Variants in BRD2 observed in about 807,000 individuals in gnomAD.
BRD2 encodes bromodomain-containing protein 2.
A neutral mutation model predicts 79.1 loss-of-function variants in BRD2; 15 were observed. The ratio of observed to expected loss-of-function variants is 0.19; its 90% CI spans 0.13 to 0.29. The LOEUF (loss-of-function observed/expected upper bound fraction) is 0.29, where lower values mean the gene tolerates loss of function less well. Ranked by LOEUF, BRD2 falls within the 10% of genes least tolerant of loss-of-function variation. BRD2 has a pLI of 1.00. For missense variants in BRD2, 1,053 were observed against 991.3 expected (o/e 1.06, Z -0.84); for synonymous variants, 488 against 358.6 (o/e 1.36, Z -4.08).
At chr6:32,979,720 CA>C in intron 10 of BRD2, 107 bp from the exon 11 acceptor site, 1 of 1,328,418 alleles carries the variant, frequency 7.5e-7, no homozygotes. Flanking sequence ...AATGGAAAAA[CA>C]GAAGCTCCAC....
chr6:32,978,420 G>A, intron 10 of BRD2, 32 bp downstream of exon 10: 1 of 1,597,736 alleles, frequency 6.3e-7, no homozygotes, highest in Non-Finnish European at 8.5e-7. Flanking sequence ...AGACTAGTTT[G>A]GCTATTTCTG....
intron 10 of BRD2, 42 bp downstream of exon 10, chr6:32,978,430 G>A (rs1055527731): frequency 4.4e-6 from 7 of 1,593,014 alleles, no homozygotes; most frequent in Non-Finnish European, 5.1e-6. Flanking sequence ...GGCTATTTCT[G>A]TCTCTCTGGG....
intron 7 of BRD2, 164 bp from the exon 8 acceptor site, chr6:32,977,278 C>G: frequency 1.3e-6 from 2 of 1,574,794 alleles, no homozygotes; most frequent in Non-Finnish European, 1.7e-6. Context: ...ATTTCTTCAA[C>G]CCACCCAAAT....
Position 32,968,902 on chromosome 6 carries a change from C to G in BRD2, c.-1459C>G, listed in dbSNP as rs370095948. The G allele has an allele frequency of 6.5e-6, 1 of 154,232 alleles. No homozygotes were observed. The highest frequency in any genetic ancestry group is 1.4e-5 in the Non-Finnish European group (1 of 69,148). The allele number at this position is 154,232 out of a possible 1,614,324, so 9.6% of individuals were successfully genotyped here. ...CCGCGCGGCCCCGATGCTCTCCCCA[C>G]CCCCCCAGCCCGTTCGGGAAGGGAG... On this transcript the variant is annotated 5_prime_UTR_variant, in exon 1 of 13. Transcript: ENST00000374825.
At position 32,978,638 on chromosome 6, in the gene BRD2, T is replaced by C. The variant is rs902414487; in HGVS notation, c.1841+250T>C. The C allele has an allele frequency of 1.3e-5, 8 of 610,138 alleles. No individual in the cohort carries two copies. The Admixed American group carries it at 1.9e-4, about 14-fold the overall frequency. The allele number at this position is 610,138 out of a possible 1,614,324, so 37.8% of individuals were successfully genotyped here. On this transcript the variant is annotated intron_variant, in intron 10 of 12. Coordinates refer to ENST00000374825, the MANE Select transcript of BRD2 (RefSeq NM_005104.4). ...AGATCATTGGGCCATTGGATTCCCA[T>C]AAGGAGCATGCAGCCTGGATATGTA...
intron 1 of BRD2, chr6:32,971,232 G>A (rs199863133): frequency 1.0e-5 from 2 of 196,322 alleles, no homozygotes; most frequent in South Asian, 3.5e-4. Context: ...GTAGATGGAT[G>A]CGTTTGGAGA....
At chr6:32,971,307 A>C in intron 1 of BRD2, 1 of 320,680 alleles carries the variant, frequency 3.1e-6, no homozygotes, top group Non-Finnish European at 5.7e-6. Flanking sequence ...TGGTAACTGT[A>C]GGTGTGAGTG....
chr6:32,978,730 CA>C (rs1779106794), intron 10 of BRD2: 1 of 339,926 alleles, frequency 2.9e-6, no homozygotes, highest in African/African-American at 2.1e-5. Context: ...ATGTGACAGG[CA>C]GTGATGCCCA....
chr6:32,976,564 A>G lies in BRD2; in HGVS notation c.828A>G (p.Lys276=). 6.3e-7 allele frequency: 1 copy of G among 1,592,406 alleles called. No homozygotes were observed. Among genetic ancestry groups the G allele is most frequent in the Non-Finnish European group, 8.5e-7 (1 of 1,170,460 alleles). ...CCCTATCTTGTTTCTTTCTGCAGAA[A>G]AAAGGCGTAAAGCGGAAAGCAGATA... ...AAPPAQPLAK[K]KGVKRKADTT... The change falls in exon 7 of 13, where the codon AAA becomes AAG. Residue 276 remains lysine (K), a splice_region_variant and synonymous_variant. Coordinates refer to ENST00000374825, the MANE Select transcript of BRD2 (RefSeq NM_005104.4).
At position 32,973,296 on chromosome 6, in the gene BRD2, C is replaced by T. The variant is rs552815158; in HGVS notation, c.29+369C>T. Reference sequence around the variant, plus strand: ...CCTTTTAGGGGGGATTCACGGACACCTCTAGCGCCCTGTAGGGTTGCCATG... The same window carrying T: ...CCTTTTAGGGGGGATTCACGGACACTTCTAGCGCCCTGTAGGGTTGCCATG... On this transcript the variant is annotated intron_variant, in intron 2 of 12. Transcript: ENST00000374825. Among the ~76,000 whole-genome samples, 6 of 152,152 alleles carry T rather than the reference C, an allele frequency of 3.9e-5. No homozygotes were observed. The South Asian group carries it at 1.2e-3, about 32-fold the overall frequency.
At chr6:32,969,269 C>T in intron 1 of BRD2, 1 of 698,402 alleles carries the variant, frequency 1.4e-6, no homozygotes, top group East Asian at 2.7e-5. Context: ...TGCCTCCGTA[C>T]CCATTGGAGG....
intron 1 of BRD2, among the ~76,000 whole-genome samples, chr6:32,969,550 C>T (rs1055717931): frequency 6.6e-6 from 1 of 152,158 alleles, no homozygotes; most frequent in African/African-American, 2.4e-5. Context: ...CCTTTGTGTC[C>T]GCGGTAGGGG....
chr6:32,968,821 TG>T lies in BRD2; in HGVS notation c.-1533del, dbSNP rs1168704614. 885 of 58,460 alleles carry T rather than the reference TG, an allele frequency of 0.015. 5 individuals carry two copies. Among genetic ancestry groups the T allele is most frequent in the Middle Eastern group, 0.094 (13 of 138 alleles). The allele number at this position is 58,460 out of a possible 1,614,324, so 3.6% of individuals were successfully genotyped here. On this transcript the variant is annotated 5_prime_UTR_variant, in exon 1 of 13. An upstream open reading frame in the 5' UTR gains an earlier in-frame stop. Coordinates refer to ENST00000374825, the MANE Select transcript of BRD2 (RefSeq NM_005104.4). ...TCGTGGCTGGGGGAAAGGCGGGGGGTGGGGGGGAAGCGGGCACGTGACCCCG... is the reference window on the plus strand; with the variant it reads ...TCGTGGCTGGGGGAAAGGCGGGGGGTGGGGGGAAGCGGGCACGTGACCCCG...
In BRD2 at chr6:32,979,831, C is replaced by T. The variant is rs1779296785; in HGVS notation, c.1845C>T (p.Leu615=). 1 of 1,610,848 alleles carries T rather than the reference C, an allele frequency of 6.2e-7. No individual in the cohort carries two copies. Among genetic ancestry groups the T allele is most frequent in the Non-Finnish European group, 8.5e-7 (1 of 1,178,830 alleles). ...TGACAACTCTTTTTGCCCTTAGGCT[C>T]CCCAAAAAGGCCACAAAGACAGCCC... ...FGPSGGSGTK[L]PKKATKTAPP... is the part of the protein sequence containing the mutation. The change falls in exon 11 of 13, where the codon CTC becomes CTT. Residue 615 remains leucine (L), a synonymous_variant. Coordinates refer to ENST00000374825, the MANE Select transcript of BRD2 (RefSeq NM_005104.4).
Position 32,977,918 on chromosome 6 carries a change from AGATGAGGAGGAC to A in BRD2, c.1494_1505del (p.Asp498_Asp501del). On this transcript the variant is annotated inframe_deletion, in exon 9 of 13. Transcript: ENST00000374825. Reference sequence around the variant, plus strand: ...GCTCCTCTGAGGAAGAGGAGGAGGAAGATGAGGAGGACGAGGAGGAAGAAGAGAGTGAAAGCT... The same window carrying A: ...GCTCCTCTGAGGAAGAGGAGGAGGAAGAGGAGGAAGAAGAGAGTGAAAGCT... 3.7e-6 allele frequency: 6 copies of A among 1,612,560 alleles called. No homozygotes were observed. The highest frequency in any genetic ancestry group is 5.1e-6 in the Non-Finnish European group (6 of 1,179,700).
At chr6:32,974,036 C>T (rs767203605) in intron 2 of BRD2, among the ~76,000 whole-genome samples, 31 of 152,026 alleles carry the variant, frequency 2.0e-4, no homozygotes, top group Non-Finnish European at 3.2e-4. Context: ...TTGTTCTTTT[C>T]CTCCTTACCG....
Position 32,980,996 on chromosome 6 carries a change from C to G in BRD2, c.*278C>G. On this transcript the variant is annotated 3_prime_UTR_variant, in exon 13 of 13. Coordinates refer to ENST00000374825, the MANE Select transcript of BRD2 (RefSeq NM_005104.4). ...GGGGCAGGGCAAGGGTGGGAGTGTG[C>G]AAAGCCCTGATCTGGAGTTACCTGA... 2.1e-6 allele frequency: 1 copy of G among 465,266 alleles called. No individual in the cohort carries two copies. The highest frequency in any genetic ancestry group is 3.9e-6 in the Non-Finnish European group (1 of 253,166). The allele number at this position is 465,266 out of a possible 1,614,324, so 28.8% of individuals were successfully genotyped here.
rs113170713 is a variant in BRD2 at position 32,975,526 on chromosome 6, GTT to G, written c.471+9_471+10del. 62,238 of 1,611,206 alleles carry G rather than the reference GTT, an allele frequency of 0.039. 2,276 individuals are homozygous for G. Among genetic ancestry groups the G allele is most frequent in the East Asian group, 0.19 (8,635 of 44,822 alleles). On this transcript the variant is annotated splice_donor_region_variant and intron_variant, in intron 4 of 12. Coordinates refer to ENST00000374825, the MANE Select transcript of BRD2 (RefSeq NM_005104.4). ...AACTGTTACATTTACAACAAGGTGA[GTT>G]TTTCTGTGTGTTCATTTAGTAGGTG...
chr6:32,972,437 C>T lies in BRD2; in HGVS notation c.-462C>T, dbSNP rs1025481386. ...GAGTCTGTCCACCCCCTCTACTCCG[C>T]CCTCAAGAGGATTTCAAAGATGGAG... On this transcript the variant is annotated 5_prime_UTR_variant, in exon 2 of 13. Coordinates refer to ENST00000374825, the MANE Select transcript of BRD2 (RefSeq NM_005104.4). 1 of 297,308 alleles carries T rather than the reference C, an allele frequency of 3.4e-6. No individual in the cohort carries two copies. Among genetic ancestry groups the T allele is most frequent in the Non-Finnish European group, 6.5e-6 (1 of 154,624 alleles). 18.4% of individuals were successfully genotyped at this position (297,308 alleles called of 1,614,324 possible).
Sources: gnomAD v4.1 joint callset for allele counts (sites outside exome capture counted in the v4.1 genomes callset) on GRCh38, gnomAD v4.1.1 for gene constraint, MANE v1.5 for transcripts, NCBI Gene and HGNC (gene_info 2026-07-23, HGNC 2026-07-21) for gene names.